The following MYMX variants were observed in gnomAD, a reference collection of about 807,000 sequenced individuals.
The protein encoded by MYMX is protein myomixer.
the MYMX span, among the ~76,000 whole-genome samples, chr6:44,193,258 T>C: frequency 6.6e-6 from 1 of 151,858 alleles, no homozygotes; most frequent in Non-Finnish European, 1.5e-5. Context: ...AATATTTACA[T>C]TGTTATGTTT....
chr6:44,196,040 T>A, the MYMX span, among the ~76,000 whole-genome samples: 1 of 152,112 alleles, frequency 6.6e-6, no homozygotes, highest in Non-Finnish European at 1.5e-5. Flanking sequence ...CCTCCCAGGT[T>A]CAAGCGATTC....
chr6:44,200,506 TG>T, the MYMX span, among the ~76,000 whole-genome samples: 1 of 151,836 alleles, frequency 6.6e-6, no homozygotes, highest in African/African-American at 2.4e-5. Context: ...GTAGAGATGG[TG>T]TTTTACCTTG....
upstream of MYMX, among the ~76,000 whole-genome samples, chr6:44,216,489 C>A (rs138709245): frequency 1.3e-5 from 2 of 151,524 alleles, no homozygotes; most frequent in African/African-American, 4.8e-5. Flanking sequence ...GTCTCTACTA[C>A]AAATACAAAA....
the MYMX span, among the ~76,000 whole-genome samples, chr6:44,194,969 T>A: frequency 1.3e-5 from 2 of 151,906 alleles, no homozygotes. Context: ...AAGATTAAAG[T>A]GTTAACAGTT....
At chr6:44,201,994 AC>A in the MYMX span, among the ~76,000 whole-genome samples, 15 of 144,268 alleles carry the variant, frequency 1.0e-4, no homozygotes, top group Non-Finnish European at 7.9e-5. Context: ...GGACCCAGAC[AC>A]ATGTTTTTAA....
At chr6:44,212,036 A>G (rs1196561328), upstream of MYMX, among the ~76,000 whole-genome samples, 1 of 152,074 alleles carries the variant, frequency 6.6e-6, no homozygotes, top group Non-Finnish European at 1.5e-5. Flanking sequence ...TCGGTTTCCC[A>G]AGTAGCTGAG....
At chr6:44,213,737 A>G (rs1775723689), upstream of MYMX, among the ~76,000 whole-genome samples, 1 of 152,206 alleles carries the variant, frequency 6.6e-6, no homozygotes, top group Non-Finnish European at 1.5e-5. Flanking sequence ...TTGTTTCATA[A>G]TGACAAGTGA....
the MYMX span, among the ~76,000 whole-genome samples, chr6:44,195,666 C>T: frequency 6.6e-6 from 1 of 152,142 alleles, no homozygotes. Context: ...TATGCACCCA[C>T]AAAAATATAT....
chr6:44,205,681 C>T, the MYMX span, among the ~76,000 whole-genome samples: 2 of 150,400 alleles, frequency 1.3e-5, no homozygotes, highest in Admixed American at 6.6e-5. Context: ...TGGTGGCGGG[C>T]GCCTGTAATC....
the MYMX span, among the ~76,000 whole-genome samples, chr6:44,199,413 A>T: frequency 6.6e-6 from 1 of 151,780 alleles, no homozygotes; most frequent in African/African-American, 2.4e-5. Context: ...GCCCAGGCTG[A>T]TCTCGAACTC....
chr6:44,214,936 C>G (rs1048384857), upstream of MYMX, among the ~76,000 whole-genome samples: 11 of 152,180 alleles, frequency 7.2e-5, no homozygotes, highest in African/African-American at 2.7e-4. Flanking sequence ...CCCAATGCAC[C>G]TGTCACCCAC....
the MYMX span, among the ~76,000 whole-genome samples, chr6:44,201,637 G>A: frequency 1.3e-5 from 2 of 152,230 alleles, no homozygotes; most frequent in African/African-American, 2.4e-5. Context: ...GAGCAGCAGG[G>A]TGCCTTGCAT....
the MYMX span, among the ~76,000 whole-genome samples, chr6:44,196,708 C>T: frequency 3.3e-5 from 5 of 152,114 alleles, no homozygotes; most frequent in Non-Finnish European, 5.9e-5. Flanking sequence ...CCTGTAATCC[C>T]AACACTTTGG....
chr6:44,211,623 T>TC, the MYMX span, among the ~76,000 whole-genome samples: 20 of 150,616 alleles, frequency 1.3e-4, no homozygotes, highest in African/African-American at 4.9e-4. Context: ...TCTTTTCTTT[T>TC]TTTTTTTTTT....
chr6:44,194,686 C>A, the MYMX span, among the ~76,000 whole-genome samples: 1 of 152,172 alleles, frequency 6.6e-6, no homozygotes, highest in Non-Finnish European at 1.5e-5. Flanking sequence ...TGCTCGGGGA[C>A]AGCTGGAAGC....
At chr6:44,196,337 G>C in the MYMX span, among the ~76,000 whole-genome samples, 3 of 152,144 alleles carry the variant, frequency 2.0e-5, no homozygotes, top group Non-Finnish European at 4.4e-5. Flanking sequence ...TGCAATTCCA[G>C]GTTTATCAGA....
the MYMX span, among the ~76,000 whole-genome samples, chr6:44,196,143 A>G: frequency 6.6e-6 from 1 of 152,090 alleles, no homozygotes; most frequent in Admixed American, 6.6e-5. Flanking sequence ...GGGTTTCACT[A>G]TGTTGGCCAG....
At chr6:44,194,926 TAATA>T in the MYMX span, among the ~76,000 whole-genome samples, 1 of 152,280 alleles carries the variant, frequency 6.6e-6, no homozygotes, top group Non-Finnish European at 1.5e-5. Context: ...GGATAGCAAA[TAATA>T]AACAGAATAC....
the MYMX span, among the ~76,000 whole-genome samples, chr6:44,202,936 G>C: frequency 6.6e-6 from 1 of 152,208 alleles, no homozygotes; most frequent in African/African-American, 2.4e-5. Flanking sequence ...ACAAGAGGCA[G>C]CGGTGGGGTA....
Sources: gnomAD v4.1 joint callset for allele counts (sites outside exome capture counted in the v4.1 genomes callset) on GRCh38, gnomAD v4.1.1 for gene constraint, MANE v1.5 for transcripts, NCBI Gene and HGNC (gene_info 2026-07-23, HGNC 2026-07-21) for gene names.